Variants in ZNF677 observed in about 807,000 individuals in gnomAD.
ZNF677 encodes the protein zinc finger protein 677.
In ZNF677, 5 loss-of-function variants were observed where a neutral mutation model predicts 8.1. The observed-to-expected ratio is 0.62, with a 90% CI of 0.32 to 1.29. ZNF677 has a LOEUF of 1.29. Ranked by LOEUF, ZNF677 falls within the 50% of genes most tolerant of loss-of-function variation. The pLI is 0.05. For missense variants in ZNF677, 685 were observed against 685.9 expected (o/e 1.00, Z 0.01); for synonymous variants, 221 against 225.6 (o/e 0.98, Z 0.18).
At position 53,237,938 on chromosome 19, in the gene ZNF677, G is replaced by C. The variant is rs1245616370; in HGVS notation, c.789C>G (p.Tyr263Ter). ...AAGCCTTTCCACAGTCATTACACTT[G>C]TATGATTTTTCTCTAATGTGTGTTC... ...YGRTHIREKS[Y>*]KCNDCGKAFS... The change falls in exon 5 of 5, where the codon TAC becomes TAG. Residue 263 changes from tyrosine to a stop codon, truncating the protein, a stop_gained. Transcript: ENST00000598513. LOFTEE classifies it low-confidence loss of function (END_TRUNC). The C allele has an allele frequency of 1.9e-6, 3 of 1,611,918 alleles. No individual in the cohort carries two copies. Among genetic ancestry groups the C allele is most frequent in the Non-Finnish European group, 2.5e-6 (3 of 1,179,934 alleles).
chr19:53,236,564 C>G lies in ZNF677; in HGVS notation c.*408G>C, dbSNP rs2090974210. On this transcript the variant is annotated 3_prime_UTR_variant, in exon 5 of 5. Transcript: ENST00000598513. Reference sequence around the variant, plus strand: ...GCCTGAATTTTTGTATGACAAAATGCTTGCATATAAGGATGAATTTCCATT... The same window carrying G: ...GCCTGAATTTTTGTATGACAAAATGGTTGCATATAAGGATGAATTTCCATT... 6.5e-6 allele frequency: 1 copy of G among 154,458 alleles called. No individual in the cohort carries two copies. Among genetic ancestry groups the G allele is most frequent in the Non-Finnish European group, 1.4e-5 (1 of 69,682 alleles). The allele number at this position is 154,458 out of a possible 1,614,324, so 9.6% of individuals were successfully genotyped here. A position where few individuals can be genotyped will look rare whatever the true frequency, so the allele number is the denominator to read the frequency against.
In ZNF677 at chr19:53,237,123, T is replaced by A; in HGVS notation, c.1604A>T (p.Lys535Ile). The change falls in exon 5 of 5, where the codon AAA becomes ATA. Residue 535 changes from lysine to isoleucine, a missense_variant. Transcript: ENST00000598513. ...TQFANLTRHQ[K>I]IHIEKKHCKH... Reference sequence around the variant, plus strand: ...ACAATGTTTCTTTTCAATGTGTATTTTCTGGTGTCTAGTGAGGTTTGCAAA... The same window carrying A: ...ACAATGTTTCTTTTCAATGTGTATTATCTGGTGTCTAGTGAGGTTTGCAAA... 6.2e-7 allele frequency: 1 copy of A among 1,613,896 alleles called. No individual in the cohort carries two copies. The highest frequency in any genetic ancestry group is 8.5e-7 in the Non-Finnish European group (1 of 1,179,922).
At chr19:53,253,667 A>G (rs768052823) in intron 1 of ZNF677, among the ~76,000 whole-genome samples, 23 of 152,184 alleles carry the variant, frequency 1.5e-4, no homozygotes, top group Non-Finnish European at 2.5e-4. Context: ...AGCCTGGGTG[A>G]CAGAGTGAGA....
In ZNF677 at chr19:53,251,717, A is replaced by G. The variant is rs1159589547; in HGVS notation, c.-55-112T>C. On this transcript the variant is annotated intron_variant, in intron 2 of 4. Coordinates refer to ENST00000598513, the MANE Select transcript of ZNF677 (RefSeq NM_182609.4). ...GAAAAAAGATGGTCCTTAGCTTCCA[A>G]TTGCAACAAGAGTGAAAATAAACTC... 4.4e-6 allele frequency: 3 copies of G among 687,074 alleles called. No individual in the cohort carries two copies. In the East Asian group the frequency reaches 8.6e-5, roughly 20 times the overall value. The allele number at this position is 687,074 out of a possible 1,614,324, so 42.6% of individuals were successfully genotyped here. A position where few individuals can be genotyped will look rare whatever the true frequency, so the allele number is the denominator to read the frequency against.
chr19:53,254,226 AT>A (rs957270898), intron 1 of ZNF677, among the ~76,000 whole-genome samples: 5 of 150,366 alleles, frequency 3.3e-5, no homozygotes, highest in East Asian at 4.0e-4. Flanking sequence ...CCATTATGTG[AT>A]TTTTTTCCCC....
At chr19:53,251,019 C>T (rs2091225843) in intron 3 of ZNF677, among the ~76,000 whole-genome samples, 1 of 152,126 alleles carries the variant, frequency 6.6e-6, no homozygotes, top group Admixed American at 6.5e-5. Context: ...TACTTCTGAA[C>T]TTCCCATTCT....
intron 3 of ZNF677, among the ~76,000 whole-genome samples, chr19:53,246,487 TACAC>T (rs60644090): frequency 0.086 from 12,103 of 140,192 alleles, 476 homozygotes; most frequent in African/African-American, 0.11. Flanking sequence ...AAAGAAAATG[TACAC>T]ACACACACAC....
At chr19:53,244,031 T>TC in intron 3 of ZNF677, 134 bp from the exon 4 acceptor site, 2 of 784,518 alleles carry the variant, frequency 2.5e-6, no homozygotes, top group East Asian at 5.9e-5. Flanking sequence ...CCTAATTTTA[T>TC]TTTTTTTAAA....
rs987408346 is a variant in ZNF677, at chr19:53,236,355, G to C, written c.*617C>G. ...ATGCCATGAAGATTTAACAGCAACAGATTTCATACTTTTAAAAATATGAAA... is the reference window on the plus strand; with the variant it reads ...ATGCCATGAAGATTTAACAGCAACACATTTCATACTTTTAAAAATATGAAA... On this transcript the variant is annotated 3_prime_UTR_variant, in exon 5 of 5. Transcript: ENST00000598513. 2 of 152,118 alleles carry C rather than the reference G, an allele frequency of 1.3e-5. No individual in the cohort carries two copies. The highest frequency in any genetic ancestry group is 6.5e-5 in the Admixed American group (1 of 15,268). The allele number at this position is 152,118 out of a possible 1,614,324, so 9.4% of individuals were successfully genotyped here. A position where few individuals can be genotyped will look rare whatever the true frequency, so the allele number is the denominator to read the frequency against.
In ZNF677 at chr19:53,237,517, T is replaced by C. The variant is rs201195757; in HGVS notation, c.1210A>G (p.Ile404Val). The change falls in exon 5 of 5, where the codon ATA (isoleucine) becomes GTA (valine). Residue 404 changes from isoleucine to valine, a missense_variant. Coordinates refer to ENST00000598513, the MANE Select transcript of ZNF677 (RefSeq NM_182609.4). Reference sequence around the variant, plus strand: ...AAAGCTTTGCCACACTCATTACATATGTAAGGCTTCTCTCCAGTATGGATT... The same window carrying C: ...AAAGCTTTGCCACACTCATTACATACGTAAGGCTTCTCTCCAGTATGGATT... The part of the protein sequence containing the change: ...KRIHTGEKPY[I>V]CNECGKAFKQ... The C allele has an allele frequency of 6.2e-7, 1 of 1,613,944 alleles. No individual in the cohort carries two copies. Among genetic ancestry groups the C allele is most frequent in the Admixed American group, 1.7e-5 (1 of 60,002 alleles).
chr19:53,241,561 C>T (rs1465724316), intron 4 of ZNF677: 5 of 338,936 alleles, frequency 1.5e-5, no homozygotes, highest in African/African-American at 1.1e-4. Context: ...GGAGAAACTC[C>T]TACACCTTGT....
At position 53,251,583 on chromosome 19, in the gene ZNF677, G is replaced by C; in HGVS notation, c.-33C>G. Reference sequence around the variant, plus strand: ...TCTTCTTTCTTTCCTCTTCCTCTGAGTTTCTTTCTCAGGTAAGTCAGTCTG... The same window carrying C: ...TCTTCTTTCTTTCCTCTTCCTCTGACTTTCTTTCTCAGGTAAGTCAGTCTG... On this transcript the variant is annotated 5_prime_UTR_variant, in exon 3 of 5. Coordinates refer to ENST00000598513, the MANE Select transcript of ZNF677 (RefSeq NM_182609.4). 8 of 1,613,478 alleles carry C rather than the reference G, an allele frequency of 5.0e-6. No homozygotes were observed. The highest frequency in any genetic ancestry group is 6.8e-6 in the Non-Finnish European group (8 of 1,179,706).
At chr19:53,243,982 C>T in intron 3 of ZNF677, 85 bp from the exon 4 acceptor site, 1 of 1,330,624 alleles carries the variant, frequency 7.5e-7, no homozygotes, top group Non-Finnish European at 1.0e-6. Flanking sequence ...TGTACATATT[C>T]ACTGATTTAT....
chr19:53,240,530 G>A (rs2091033205), intron 4 of ZNF677: 1 of 152,394 alleles, frequency 6.6e-6, no homozygotes, highest in Non-Finnish European at 1.5e-5. Flanking sequence ...ACAGGCGTGA[G>A]CCACCACGCC....
intron 3 of ZNF677, chr19:53,249,406 T>C (rs1252750030): frequency 6.6e-6 from 1 of 152,194 alleles, no homozygotes; most frequent in Non-Finnish European, 1.5e-5. Context: ...GGAGAAAAAC[T>C]GTAAACAACC....
At chr19:53,242,033 G>A (rs1016076519) in intron 4 of ZNF677, 6 of 394,138 alleles carry the variant, frequency 1.5e-5, no homozygotes, top group East Asian at 7.2e-5. Context: ...TCGGGTTCAA[G>A]CAACTCTCCT....
At chr19:53,242,522 GT>G (rs1395665173) in intron 4 of ZNF677, 1 of 397,100 alleles carries the variant, frequency 2.5e-6, no homozygotes, top group African/African-American at 2.1e-5. Context: ...TTAATGCTGA[GT>G]AACAATCTCA....
Position 53,251,532 on chromosome 19 carries a change from T to C in ZNF677, c.15+4A>G. 1.2e-6 allele frequency: 2 copies of C among 1,613,484 alleles called. No individual in the cohort carries two copies. Among genetic ancestry groups the C allele is most frequent in the Non-Finnish European group, 1.7e-6 (2 of 1,179,434 alleles). Reference sequence around the variant, plus strand: ...AAACAGTGAACCAAGAATATAACTTTTACCTGAGAAAGAGCCATTCCCTCC... The same window carrying C: ...AAACAGTGAACCAAGAATATAACTTCTACCTGAGAAAGAGCCATTCCCTCC... On this transcript the variant is annotated splice_donor_region_variant and intron_variant, in intron 3 of 4. Transcript: ENST00000598513.
chr19:53,237,747 A>G lies in ZNF677; in HGVS notation c.980T>C (p.Val327Ala). Residue 327 changes from valine to alanine, a missense_variant, in exon 5 of 5, where the codon GTC (valine) becomes GCC (alanine). Coordinates refer to ENST00000598513, the MANE Select transcript of ZNF677 (RefSeq NM_182609.4). ...TGCAAGATTTGAATTTTGACTACAG[A>G]CCTTGCCACATATATTACATTGATA... is the stretch of plus-strand genomic sequence containing the variant. Reference protein sequence around the residue: ...KPYQCNICGKVCSQNSNLASH... With the variant: ...KPYQCNICGKACSQNSNLASH... 6.2e-7 allele frequency: 1 copy of G among 1,613,502 alleles called. No individual in the cohort carries two copies. The highest frequency in any genetic ancestry group is 8.5e-7 in the Non-Finnish European group (1 of 1,179,828).
Sources: gnomAD v4.1 joint callset for allele counts (sites outside exome capture counted in the v4.1 genomes callset) on GRCh38, gnomAD v4.1.1 for gene constraint, MANE v1.5 for transcripts, NCBI Gene and HGNC (gene_info 2026-07-23, HGNC 2026-07-21) for gene names.